The following FAM53B variants were observed in gnomAD, a reference collection of about 807,000 sequenced individuals.
FAM53B encodes protein FAM53B.
In FAM53B, 12 loss-of-function variants were observed where a neutral mutation model predicts 32.7. The observed-to-expected ratio is 0.37, with a 90% CI of 0.24 to 0.59. The LOEUF (loss-of-function observed/expected upper bound fraction) is 0.59, where lower values mean the gene tolerates loss of function less well. FAM53B is among the 20% of genes least tolerant of loss of function. The pLI is 0.72. For missense variants in FAM53B, 477 were observed against 577.7 expected (o/e 0.83, Z 1.79); for synonymous variants, 234 against 228.7 (o/e 1.02, Z -0.21).
At chr10:124,647,159 C>T (rs1949521866) in intron 4 of FAM53B, among the ~76,000 whole-genome samples, 1 of 152,208 alleles carries the variant, frequency 6.6e-6, no homozygotes, top group South Asian at 2.1e-4. Flanking sequence ...GTGCTGGGCA[C>T]TCTGCCAAGC....
At chr10:124,737,888 G>A (rs1950181440) in intron 1 of FAM53B, among the ~76,000 whole-genome samples, 1 of 152,074 alleles carries the variant, frequency 6.6e-6, no homozygotes, top group South Asian at 2.1e-4. Flanking sequence ...GAAAGAACAA[G>A]ACCACTAGGA....
intron 3 of FAM53B, among the ~76,000 whole-genome samples, chr10:124,687,756 G>T (rs1463742393): frequency 3.9e-5 from 6 of 152,178 alleles, no homozygotes; most frequent in Non-Finnish European, 5.9e-5. Context: ...TCTCTGGGTA[G>T]GCATTTGCAT....
chr10:124,639,012 C>G (rs922802548), intron 4 of FAM53B, among the ~76,000 whole-genome samples: 2 of 152,224 alleles, frequency 1.3e-5, no homozygotes, highest in Non-Finnish European at 2.9e-5. Flanking sequence ...GGAGGCAAAC[C>G]AAATACTGGC....
At chr10:124,681,422 G>C (rs1949770663) in intron 4 of FAM53B, among the ~76,000 whole-genome samples, 185 bp downstream of exon 4, 1 of 152,188 alleles carries the variant, frequency 6.6e-6, no homozygotes, top group African/African-American at 2.4e-5. Flanking sequence ...CTTGTAAATA[G>C]AAATAAACGC....
At chr10:124,705,228 C>G (rs954889000) in intron 2 of FAM53B, among the ~76,000 whole-genome samples, 8 of 152,174 alleles carry the variant, frequency 5.3e-5, no homozygotes, top group African/African-American at 1.9e-4. Context: ...GGAGGGCCAC[C>G]AAGACTGGCG....
intron 4 of FAM53B, 184 bp from the exon 5 acceptor site, chr10:124,623,788 T>C (rs1375030038): frequency 3.3e-6 from 2 of 607,466 alleles, no homozygotes; most frequent in Non-Finnish European, 5.6e-6. Context: ...CTCCGGCCAA[T>C]GAGCGCTCTG....
chr10:124,668,156 G>A (rs1201918946), intron 4 of FAM53B, among the ~76,000 whole-genome samples: 1 of 152,248 alleles, frequency 6.6e-6, no homozygotes, highest in African/African-American at 2.4e-5. Flanking sequence ...TGGTGTCTCT[G>A]CTGAGTGACA....
intron 4 of FAM53B, among the ~76,000 whole-genome samples, chr10:124,628,893 C>T (rs1484442444): frequency 6.6e-6 from 1 of 152,228 alleles, no homozygotes; most frequent in Non-Finnish European, 1.5e-5. Flanking sequence ...GCTGAGCCCA[C>T]CTCTTTCCTG....
At chr10:124,689,753 G>A (rs889473165) in intron 3 of FAM53B, among the ~76,000 whole-genome samples, 1 of 152,218 alleles carries the variant, frequency 6.6e-6, no homozygotes, top group Non-Finnish European at 1.5e-5. Context: ...CTGCTTCTGG[G>A]AAGTCTTTGC....
intron 1 of FAM53B, among the ~76,000 whole-genome samples, chr10:124,724,733 C>T (rs1470910173): frequency 1.3e-5 from 2 of 152,210 alleles, no homozygotes; most frequent in African/African-American, 4.8e-5. Flanking sequence ...ACCCAAGCAG[C>T]TCGCCCAGAA....
intron 3 of FAM53B, among the ~76,000 whole-genome samples, chr10:124,686,313 C>T (rs191413838): frequency 6.6e-6 from 1 of 152,270 alleles, no homozygotes; most frequent in African/African-American, 2.4e-5. Flanking sequence ...CCTACAGGAC[C>T]TACTCCTTCT....
chr10:124,731,766 T>A (rs962251805), intron 1 of FAM53B, among the ~76,000 whole-genome samples: 2 of 152,066 alleles, frequency 1.3e-5, no homozygotes, highest in African/African-American at 4.8e-5. Context: ...CATGAAGTTT[T>A]GGCTGTGGCC....
chr10:124,638,558 T>G (rs1949448732), intron 4 of FAM53B, among the ~76,000 whole-genome samples: 1 of 152,140 alleles, frequency 6.6e-6, no homozygotes. Flanking sequence ...CACCTGATGG[T>G]GCCAGCTGCA....
chr10:124,641,277 G>A (rs888945015), intron 4 of FAM53B, among the ~76,000 whole-genome samples: 1 of 152,214 alleles, frequency 6.6e-6, no homozygotes, highest in Non-Finnish European at 1.5e-5. Flanking sequence ...TAATGCTGGG[G>A]CCAGTTTAAC....
At chr10:124,669,999 C>A (rs1295044832) in intron 4 of FAM53B, among the ~76,000 whole-genome samples, 1 of 152,088 alleles carries the variant, frequency 6.6e-6, no homozygotes, top group South Asian at 2.1e-4. Context: ...CGAGGGAGGA[C>A]GCCCTGCAAA....
intron 4 of FAM53B, among the ~76,000 whole-genome samples, chr10:124,627,052 G>A (rs1949360362): frequency 1.3e-5 from 2 of 152,220 alleles, no homozygotes; most frequent in African/African-American, 4.8e-5. Context: ...TGGCCACAAA[G>A]CCAGCGAAAC....
intron 1 of FAM53B, among the ~76,000 whole-genome samples, chr10:124,731,784 G>A (rs181078657): frequency 2.2e-4 from 34 of 152,104 alleles, no homozygotes; most frequent in African/African-American, 5.3e-4. Flanking sequence ...GCCCTTCCCC[G>A]CATCACCTCC....
chr10:124,681,579 G>A, intron 4 of FAM53B, 28 bp downstream of exon 4: 1 of 1,538,260 alleles, frequency 6.5e-7, no homozygotes, highest in Non-Finnish European at 8.8e-7. Flanking sequence ...TGAGCACCAA[G>A]GTGACTCCAG....
intron 4 of FAM53B, among the ~76,000 whole-genome samples, chr10:124,660,224 A>C (rs1949620953): frequency 1.3e-5 from 2 of 152,178 alleles, no homozygotes; most frequent in African/African-American, 4.8e-5. Context: ...AAAATGCTTC[A>C]GGAGACAGAG....
Sources: gnomAD v4.1 joint callset for allele counts (sites outside exome capture counted in the v4.1 genomes callset) on GRCh38, gnomAD v4.1.1 for gene constraint, MANE v1.5 for transcripts, NCBI Gene and HGNC (gene_info 2026-07-23, HGNC 2026-07-21) for gene names.